KLF15: variants seen among roughly 807,000 people sequenced by gnomAD.
KLF15 encodes KLF transcription factor 15, also known as Krueppel-like factor 15.
Under a neutral mutation model 24.6 loss-of-function variants are expected in KLF15, and 4 were observed. That is an observed-to-expected ratio of 0.16 (90% CI 0.08 to 0.37). The LOEUF is 0.37. Ranked by LOEUF, KLF15 falls within the 10% of genes least tolerant of loss-of-function variation. The pLI is 1.00. For missense variants in KLF15, 496 were observed against 560.6 expected (o/e 0.88, Z 1.16); for synonymous variants, 246 against 236.3 (o/e 1.04, Z -0.37).
At chr3:126,330,063 C>T in the KLF15 span, among the ~76,000 whole-genome samples, 261 of 152,250 alleles carry the variant, frequency 1.7e-3, 2 homozygotes, top group African/African-American at 6.0e-3. Flanking sequence ...GGATGCAAGC[C>T]GAGGTCTGAA....
the KLF15 span, among the ~76,000 whole-genome samples, chr3:126,301,620 T>C: frequency 1.3e-5 from 2 of 149,940 alleles, no homozygotes; most frequent in African/African-American, 2.4e-5. Context: ...CTTTTTTTTT[T>C]TTTTTTTTTC....
chr3:126,327,370 A>G, the KLF15 span, among the ~76,000 whole-genome samples: 5 of 152,168 alleles, frequency 3.3e-5, no homozygotes, highest in African/African-American at 9.7e-5. Context: ...GAGGCAGGAC[A>G]TGATCAGACC....
At chr3:126,306,416 T>C in the KLF15 span, among the ~76,000 whole-genome samples, 13 of 152,158 alleles carry the variant, frequency 8.5e-5, no homozygotes, top group Admixed American at 6.5e-4. Context: ...TTATTTACTC[T>C]AAGAAAATAA....
chr3:126,322,311 G>T, the KLF15 span, among the ~76,000 whole-genome samples: 1 of 152,278 alleles, frequency 6.6e-6, no homozygotes, highest in African/African-American at 2.4e-5. Context: ...GGTGGCGCTG[G>T]TTCCTCCTGG....
the KLF15 span, among the ~76,000 whole-genome samples, chr3:126,296,381 G>T: frequency 1.5e-4 from 23 of 152,250 alleles, no homozygotes; most frequent in African/African-American, 4.1e-4. Context: ...CTAATTTTTT[G>T]TATTTTTAAT....
the KLF15 span, among the ~76,000 whole-genome samples, chr3:126,291,460 G>A: frequency 6.6e-5 from 10 of 152,220 alleles, no homozygotes; most frequent in East Asian, 9.6e-4. Context: ...AGGAAGGTTC[G>A]CCAGAACTGG....
the KLF15 span, among the ~76,000 whole-genome samples, chr3:126,328,619 C>T: frequency 2.0e-5 from 3 of 152,072 alleles, no homozygotes; most frequent in Non-Finnish European, 2.9e-5. Flanking sequence ...TTTATTATGG[C>T]CAAAAGAATG....
the KLF15 span, among the ~76,000 whole-genome samples, chr3:126,293,575 CAACG>C: frequency 6.6e-6 from 1 of 152,160 alleles, no homozygotes; most frequent in East Asian, 1.9e-4. Context: ...TGAGATGTGT[CAACG>C]TCGGACTCTA....
the KLF15 span, among the ~76,000 whole-genome samples, chr3:126,332,867 G>C: frequency 1.9e-5 from 1 of 52,320 alleles, no homozygotes; most frequent in Non-Finnish European, 3.4e-5. Flanking sequence ...GGGAAGTTTA[G>C]AGAAAAAAGA....
At chr3:126,339,862 G>C (rs532979342), downstream of KLF15, among the ~76,000 whole-genome samples, 17 of 152,342 alleles carry the variant, frequency 1.1e-4, no homozygotes, top group African/African-American at 4.1e-4. Context: ...CTGTCTGCAG[G>C]AGTCAAGATT....
chr3:126,337,274 CA>C, the KLF15 span, among the ~76,000 whole-genome samples: 1 of 137,070 alleles, frequency 7.3e-6, no homozygotes. Context: ...GTGTCCTTTG[CA>C]GGGACATGGA....
Position 126,352,174 on chromosome 3 carries a change from TG to T in KLF15, c.748del (p.Gln250SerfsTer23). The T allele has an allele frequency of 6.4e-7, 1 of 1,571,700 alleles. No individual in the cohort carries two copies. ...CTGCCCCTGGATGTTGACCAGGAGCTGGGCAACCTTGACATTCTCTGGGGCT... is the reference window on the plus strand; with the variant it reads ...CTGCCCCTGGATGTTGACCAGGAGCTGGCAACCTTGACATTCTCTGGGGCT... ...GQAPENVKVA[Q>X]LLVNIQGQTF... On this transcript the variant is annotated frameshift_variant, in exon 2 of 3. Coordinates refer to ENST00000296233, the MANE Select transcript of KLF15 (RefSeq NM_014079.4). LOFTEE classifies it high-confidence loss of function.
At chr3:126,354,821 T>C (rs1327339992) in intron 1 of KLF15, among the ~76,000 whole-genome samples, 1 of 152,232 alleles carries the variant, frequency 6.6e-6, no homozygotes, top group African/African-American at 2.4e-5. Flanking sequence ...GCTCCATTTC[T>C]GAGTCTGCAA....
At chr3:126,288,880 A>G in the KLF15 span, 2 of 152,246 alleles carry the variant, frequency 1.3e-5, no homozygotes, top group Non-Finnish European at 2.9e-5. Flanking sequence ...ATTCAGTTCA[A>G]TATCAATGAA....
At position 126,343,476 on chromosome 3, in the gene KLF15, A is replaced by C. The variant is rs1412949005; in HGVS notation, c.*251T>G. ...GGCCACCGCGGGAAGGCACGAAGGC[A>C]CGAAGGCACGAAGGCCTGCCTCCAG... On this transcript the variant is annotated 3_prime_UTR_variant, in exon 3 of 3. Coordinates refer to ENST00000296233, the MANE Select transcript of KLF15 (RefSeq NM_014079.4). 1 of 465,030 alleles carries C rather than the reference A, an allele frequency of 2.2e-6. No homozygotes were observed. Among genetic ancestry groups the C allele is most frequent in the Non-Finnish European group, 3.8e-6 (1 of 265,180 alleles). The allele number at this position is 465,030 out of a possible 1,614,324, so 28.8% of individuals were successfully genotyped here. A position where few individuals can be genotyped will look rare whatever the true frequency, so the allele number is the denominator to read the frequency against.
At chr3:126,290,906 A>T in the KLF15 span, 6 of 152,166 alleles carry the variant, frequency 3.9e-5, no homozygotes, top group African/African-American at 1.2e-4. Context: ...TACTTTTACC[A>T]TTTTTTTGAA....
the KLF15 span, among the ~76,000 whole-genome samples, chr3:126,307,422 G>C: frequency 2.6e-5 from 4 of 152,234 alleles, no homozygotes; most frequent in Non-Finnish European, 5.9e-5. Flanking sequence ...AGAGGACAAA[G>C]ACTGTGCAAC....
chr3:126,311,030 A>G, the KLF15 span, among the ~76,000 whole-genome samples: 1 of 152,150 alleles, frequency 6.6e-6, no homozygotes, highest in Non-Finnish European at 1.5e-5. Context: ...CTTCACCAGC[A>G]TCCTCAGGGT....
chr3:126,313,280 G>A, the KLF15 span, among the ~76,000 whole-genome samples: 12 of 152,168 alleles, frequency 7.9e-5, no homozygotes, highest in South Asian at 2.1e-4. Context: ...CCCTGCTGAC[G>A]CATTGACCTC....
Sources: gnomAD v4.1 joint callset for allele counts (sites outside exome capture counted in the v4.1 genomes callset) on GRCh38, gnomAD v4.1.1 for gene constraint, MANE v1.5 for transcripts, NCBI Gene and HGNC (gene_info 2026-07-23, HGNC 2026-07-21) for gene names.